The following FIGLA variants were observed in gnomAD, a reference collection of about 807,000 sequenced individuals.
FIGLA encodes folliculogenesis specific bHLH transcription factor, also known as factor in the germline alpha.
A neutral mutation model predicts 21.5 loss-of-function variants in FIGLA; 17 were observed. The observed-to-expected ratio is 0.79, with a 90% CI of 0.54 to 1.19. FIGLA has a LOEUF of 1.19. Ranked by LOEUF, FIGLA falls within the 50% of genes most tolerant of loss-of-function variation. The pLI, the probability that FIGLA is intolerant of heterozygous loss-of-function variation, is 0.00. For missense variants in FIGLA, 282 were observed against 285.0 expected, an observed-to-expected ratio of 0.99 and a Z score of 0.08; for synonymous variants, 129 against 117.6, an observed-to-expected ratio of 1.10 and a Z score of -0.63.
intron 3 of FIGLA, among the ~76,000 whole-genome samples, chr2:70,780,180 G>C (rs1254501121): frequency 6.6e-6 from 1 of 152,070 alleles, no homozygotes; most frequent in Non-Finnish European, 1.5e-5. Context: ...CTTCATTTGG[G>C]ACTTTGCCTC....
intron 1 of FIGLA, among the ~76,000 whole-genome samples, chr2:70,789,873 G>C (rs544271779): frequency 6.6e-6 from 1 of 152,316 alleles, no homozygotes; most frequent in South Asian, 2.1e-4. Flanking sequence ...AGAGTTGAGT[G>C]GGAGTCTTGG....
At position 70,790,558 on chromosome 2, in the gene FIGLA, C is replaced by G; in HGVS notation, c.81G>C (p.Glu27Asp). ...LLGTPQAEVL[E>D]DVLREQFGPL... ...GCCCGAACTGCTCCCGCAACACGTC[C>G]TCCAGCACCTCGGCTTGCGGGGTGC... The change falls in exon 1 of 5, where the codon GAG becomes GAC. Residue 27 changes from glutamate (E) to aspartate (D), a missense_variant. By Grantham distance (45) the Glu-to-Asp change is conservative. Coordinates refer to ENST00000332372, the MANE Select transcript of FIGLA (RefSeq NM_001004311.3). 2.6e-6 allele frequency: 4 copies of G among 1,524,304 alleles called. No individual in the cohort carries two copies. The highest frequency in any genetic ancestry group is 3.5e-6 in the Non-Finnish European group (4 of 1,141,350). The allele number at this position is 1,524,304 out of a possible 1,614,324, so 94.4% of individuals were successfully genotyped here.
intron 3 of FIGLA, among the ~76,000 whole-genome samples, chr2:70,782,654 G>A (rs1415026665): frequency 6.6e-6 from 1 of 152,236 alleles, no homozygotes; most frequent in Non-Finnish European, 1.5e-5. Flanking sequence ...AATGTACACT[G>A]AAGCCTTAGG....
At chr2:70,789,809 T>A (rs1553390566) in intron 1 of FIGLA, among the ~76,000 whole-genome samples, 1 of 152,208 alleles carries the variant, frequency 6.6e-6, no homozygotes, top group Admixed American at 6.5e-5. Flanking sequence ...CACAGGACCC[T>A]TCCCGTTTGC....
chr2:70,786,881 G>C (rs1424793719), intron 2 of FIGLA, among the ~76,000 whole-genome samples: 3 of 152,084 alleles, frequency 2.0e-5, no homozygotes, highest in South Asian at 4.1e-4. Context: ...ACATTCTAAT[G>C]ATGATTCCTT....
At chr2:70,786,806 T>C (rs1675964822) in intron 2 of FIGLA, among the ~76,000 whole-genome samples, 1 of 152,172 alleles carries the variant, frequency 6.6e-6, no homozygotes. Flanking sequence ...CTCCTCACCT[T>C]TAGTTTCCTA....
chr2:70,790,491 G>A lies in FIGLA; in HGVS notation c.148C>T (p.Pro50Ser). The A allele has an allele frequency of 6.5e-7, 1 of 1,543,604 alleles. No homozygotes were observed. The highest frequency in any genetic ancestry group is 8.7e-7 in the Non-Finnish European group (1 of 1,146,370). The change falls in exon 1 of 5, where the codon CCC (proline) becomes TCC (serine). Residue 50 changes from proline (P) to serine (S), a missense_variant. Coordinates refer to ENST00000332372, the MANE Select transcript of FIGLA (RefSeq NM_001004311.3). ...TCAGTGGACGAGTAGCCGCCCGAGG[G>A]CAGCCGCTTGAGCCGGCAGACAGCG... The part of the protein sequence containing the change: ...LAAVCRLKRL[P>S]SGGYSSTENL...
At chr2:70,790,186 G>C (rs1344719756) in intron 1 of FIGLA, among the ~76,000 whole-genome samples, 1 of 152,064 alleles carries the variant, frequency 6.6e-6, no homozygotes, top group Non-Finnish European at 1.5e-5. Context: ...GGGTTAGCGG[G>C]CGAGGCGGCC....
intron 1 of FIGLA, among the ~76,000 whole-genome samples, chr2:70,789,389 C>A (rs1676015736): frequency 6.6e-6 from 1 of 152,060 alleles, no homozygotes; most frequent in Non-Finnish European, 1.5e-5. Context: ...GTGGGAAGGA[C>A]CACTTAAACT....
At position 70,777,707 on chromosome 2, in the gene FIGLA, C is replaced by T. The variant is rs782497821; in HGVS notation, c.610-36G>A. 4 of 1,101,546 alleles carry T rather than the reference C, an allele frequency of 3.6e-6. No individual in the cohort carries two copies. In the East Asian group the frequency reaches 7.3e-5, roughly 20 times the overall value. 68.2% of individuals were successfully genotyped at this position (1,101,546 alleles called of 1,614,324 possible). A position where few individuals can be genotyped will look rare whatever the true frequency, so the allele number is the denominator to read the frequency against. ...AATACAAAATACAGAAAGGGCTAAA[C>T]ACATCGGTTATTTGTCACGTTTAAG... On this transcript the variant is annotated intron_variant, in intron 3 of 4. Transcript: ENST00000332372.
intron 3 of FIGLA, among the ~76,000 whole-genome samples, chr2:70,780,981 C>G (rs1675845747): frequency 6.6e-6 from 1 of 152,098 alleles, no homozygotes; most frequent in Non-Finnish European, 1.5e-5. Context: ...GAGTGGAGGC[C>G]TGGCCTGGGG....
At position 70,777,349 on chromosome 2, in the gene FIGLA, C is replaced by A. The variant is rs1553388412; in HGVS notation, c.*18G>T. The A allele has an allele frequency of 6.7e-7, 1 of 1,485,700 alleles. No individual in the cohort carries two copies. The highest frequency in any genetic ancestry group is 9.0e-7 in the Non-Finnish European group (1 of 1,109,568). 92.0% of individuals were successfully genotyped at this position (1,485,700 alleles called of 1,614,324 possible). A position where few individuals can be genotyped will look rare whatever the true frequency, so the allele number is the denominator to read the frequency against. Reference sequence around the variant, plus strand: ...CATTTATTTGTCTCTAGAAGGTAACCCTGGGCCTTTTCATTTTTCATACTT... The same window carrying A: ...CATTTATTTGTCTCTAGAAGGTAACACTGGGCCTTTTCATTTTTCATACTT... On this transcript the variant is annotated 3_prime_UTR_variant, in exon 5 of 5. Coordinates refer to ENST00000332372, the MANE Select transcript of FIGLA (RefSeq NM_001004311.3).
chr2:70,790,062 G>A (rs1414477309), intron 1 of FIGLA, among the ~76,000 whole-genome samples: 2 of 152,196 alleles, frequency 1.3e-5, no homozygotes, highest in Admixed American at 6.5e-5. Context: ...GTGAGATGAA[G>A]GCGCACCCCC....
At position 70,777,655 on chromosome 2, in the gene FIGLA, A is replaced by G. The variant is rs1553388513; in HGVS notation, c.626T>C (p.Val209Ala). 1.9e-6 allele frequency: 3 copies of G among 1,548,188 alleles called. No homozygotes were observed. In the East Asian group the frequency reaches 6.8e-5, roughly 35 times the overall value. The change falls in exon 4 of 5, where the codon GTA becomes GCA. Residue 209 changes from valine to alanine, a missense_variant. Coordinates refer to ENST00000332372, the MANE Select transcript of FIGLA (RefSeq NM_001004311.3). The part of the protein sequence containing the change: ...PTRSLDRFPE[V>A]ELLSHRLPQV ...GACCTACCTGTGACTCAGCAGTTCT[A>G]CTTCTGGGAATCTATCCTGCAAAAA...
At chr2:70,788,960 C>T (rs550980135) in intron 1 of FIGLA, among the ~76,000 whole-genome samples, 14 of 151,894 alleles carry the variant, frequency 9.2e-5, no homozygotes, top group African/African-American at 2.2e-4. Context: ...AGAGTTACAC[C>T]GATAGGTACC....
Position 70,782,107 on chromosome 2 carries a change from A to G in FIGLA, c.609+3308T>C, listed in dbSNP as rs149951308. Among the ~76,000 whole-genome samples the G allele has an allele frequency of 7.7e-3, 1,166 of 152,342 alleles. 19 individuals carry two copies. The highest frequency in any genetic ancestry group is 0.026 in the African/African-American group (1,092 of 41,558). On this transcript the variant is annotated intron_variant, in intron 3 of 4. Transcript: ENST00000332372. ...ATAAATAAATATAGAATGTTTGATG[A>G]GTAATGAGATCTTTACATAGTTTCA... is the stretch of plus-strand genomic sequence containing the variant.
intron 3 of FIGLA, among the ~76,000 whole-genome samples, chr2:70,784,814 C>G (rs1675914341): frequency 6.6e-6 from 1 of 152,130 alleles, no homozygotes; most frequent in African/African-American, 2.4e-5. Context: ...GGCAAAAAGT[C>G]CACTTCTGGA....
In FIGLA at chr2:70,777,620, G is replaced by T; in HGVS notation, c.644+17C>A. Reference sequence around the variant, plus strand: ...GTTATAAATTGGCACTATGCATCAGGTTATAGAATGACCTACCTGTGACTC... The same window carrying T: ...GTTATAAATTGGCACTATGCATCAGTTTATAGAATGACCTACCTGTGACTC... On this transcript the variant is annotated intron_variant, in intron 4 of 4. Transcript: ENST00000332372. The T allele has an allele frequency of 1.9e-6, 3 of 1,601,880 alleles. No individual in the cohort carries two copies. Among genetic ancestry groups the T allele is most frequent in the Non-Finnish European group, 2.6e-6 (3 of 1,173,448 alleles).
In FIGLA at chr2:70,787,674, A is replaced by G; in HGVS notation, c.359T>C (p.Leu120Pro). The change falls in exon 2 of 5, where the codon CTT becomes CCT. Residue 120 changes from leucine to proline, a missense_variant. Physicochemically the swap from Leu to Pro is moderately conservative, Grantham distance 98. Coordinates refer to ENST00000332372, the MANE Select transcript of FIGLA (RefSeq NM_001004311.3). ...CTTTGAGTCTTTGGCTCCTTCCAAA[A>G]GATCACTGAGAACCTGTATATATTC... ...ATEYIQVLSD[L>P]LEGAKDSKKQ... 5.1e-6 allele frequency: 8 copies of G among 1,581,242 alleles called. No homozygotes were observed. Among genetic ancestry groups the G allele is most frequent in the Non-Finnish European group, 6.9e-6 (8 of 1,162,902 alleles).
Sources: allele counts gnomAD v4.1 joint callset (sites outside exome capture counted in the v4.1 genomes callset), GRCh38; gene constraint gnomAD v4.1.1; transcripts MANE v1.5; gene names NCBI Gene and HGNC (gene_info 2026-07-23, HGNC 2026-07-21).